BIRC6: variants seen among roughly 807,000 people sequenced by gnomAD.
The protein encoded by BIRC6 is dual E2 ubiquitin-conjugating enzyme/E3 ubiquitin-protein ligase BIRC6.
A neutral mutation model predicts 503.3 loss-of-function variants in BIRC6; 98 were observed. That is an observed-to-expected ratio of 0.19 (90% confidence interval 0.17 to 0.23). The LOEUF (loss-of-function observed/expected upper bound fraction) is 0.23, where lower values mean the gene tolerates loss of function less well. Ranked by LOEUF, BIRC6 falls within the 10% of genes least tolerant of loss-of-function variation. BIRC6 has a pLI of 1.00. For synonymous variants in BIRC6, 2,240 were observed against 2,078.7 expected, an observed-to-expected ratio of 1.08 and a Z score of -2.11; for missense variants, 5,360 against 5,806.0, an observed-to-expected ratio of 0.92 and a Z score of 2.50.
At position 32,525,509 on chromosome 2, in the gene BIRC6, G is replaced by A. The variant is rs766431375; in HGVS notation, c.11801G>A (p.Arg3934His). The A allele has an allele frequency of 8.1e-6, 13 of 1,613,740 alleles. No homozygotes were observed. Among genetic ancestry groups the A allele is most frequent in the South Asian group, 2.2e-5 (2 of 91,078 alleles). The stretch of plus-strand genomic sequence containing the variant: ...CGTGCTGTGTCAGCTACACCACCTC[G>A]CCCACCATCCAGGAGGGGGAGGACA... Reference protein sequence around the residue: ...SKRAVSATPPRPPSRRGRTIP... With the variant: ...SKRAVSATPPHPPSRRGRTIP... The change falls in exon 59 of 74, where the codon CGC (arginine) becomes CAC (histidine). Residue 3934 changes from arginine to histidine, a missense_variant. Around this residue, in one of 16 missense-constraint regions of BIRC6, gnomAD observed 878 missense variants for 928.9 expected, o/e 0.95. Transcript: ENST00000421745.
intron 35 of BIRC6, 77 bp downstream of exon 35, chr2:32,477,660 A>G: frequency 9.0e-7 from 1 of 1,114,596 alleles, no homozygotes; most frequent in Non-Finnish European, 1.3e-6. Context: ...GCACTTTGGG[A>G]GACTGAGGTG....
intron 23 of BIRC6, among the ~76,000 whole-genome samples, chr2:32,458,607 A>C (rs2047495853): frequency 6.6e-6 from 1 of 151,088 alleles, no homozygotes; most frequent in African/African-American, 2.4e-5. Context: ...CTCTGTAGTA[A>C]GTATCTCATA....
chr2:32,515,792 C>G, intron 55 of BIRC6, 22 bp downstream of exon 55: 1 of 1,565,606 alleles, frequency 6.4e-7, no homozygotes. Context: ...AAATAACTTA[C>G]ATTTTAGTTG....
At chr2:32,547,376 C>G (rs575630741) in intron 63 of BIRC6, among the ~76,000 whole-genome samples, 2 of 152,114 alleles carry the variant, frequency 1.3e-5, no homozygotes, top group African/African-American at 4.8e-5. Flanking sequence ...TACCCCTTCC[C>G]CCAGCCCCTG....
In BIRC6 at chr2:32,473,183, A is replaced by G. The variant is rs1245435045; in HGVS notation, c.6664A>G (p.Ser2222Gly). Reference protein sequence around the residue: ...SLNRSSKGSSSLDRLYSRKIR... With the variant: ...SLNRSSKGSSGLDRLYSRKIR... ...AAATAGATCTTCTAAAGGCAGCAGT[A>G]GCCTTGATAGATTATATTCCAGAAA... Residue 2222 changes from serine to glycine, a missense_variant, in exon 33 of 74, where the codon AGC (serine) becomes GGC (glycine). This residue lies in a region of BIRC6 where 2,299 missense variants were observed against 2,267.2 expected (regional missense o/e 1.01). Transcript: ENST00000421745. The G allele has an allele frequency of 1.3e-6, 2 of 1,564,728 alleles. No homozygotes were observed. The highest frequency in any genetic ancestry group is 1.4e-5 in the African/African-American group (1 of 73,798).
At chr2:32,463,147 C>T in intron 23 of BIRC6, 47 bp from the exon 24 acceptor site, 1 of 1,468,890 alleles carries the variant, frequency 6.8e-7, no homozygotes, top group Non-Finnish European at 9.2e-7. Context: ...ACCTTTTCTT[C>T]ATCCTGGTGT....
intron 10 of BIRC6, among the ~76,000 whole-genome samples, chr2:32,421,610 G>C (rs375679803): frequency 6.6e-6 from 1 of 152,116 alleles, no homozygotes; most frequent in East Asian, 1.9e-4. Context: ...ATTTAAAAGT[G>C]TTTTGTTTAG....
Position 32,415,403 on chromosome 2 carries a change from G to A in BIRC6, c.2112G>A (p.Glu704=). ...AAANLTSPDS[E]KWNSVFPKPG... is the part of the protein sequence containing the mutation. The stretch of plus-strand genomic sequence containing the variant: ...CCAACCTTACCTCTCCGGATTCTGA[G>A]AAGTGGAACTCTGTGTTTCCCAAGC... Residue 704 remains glutamate (E), a synonymous_variant, in exon 10 of 74, where the codon GAG becomes GAA. Coordinates refer to ENST00000421745, the MANE Select transcript of BIRC6 (RefSeq NM_016252.4). 6.2e-7 allele frequency: 1 copy of A among 1,614,026 alleles called. No homozygotes were observed. Among genetic ancestry groups the A allele is most frequent in the South Asian group, 1.1e-5 (1 of 91,082 alleles).
At chr2:32,492,709 CTT>C (rs748313914) in intron 44 of BIRC6, among the ~76,000 whole-genome samples, 23 of 151,856 alleles carry the variant, frequency 1.5e-4, no homozygotes, top group African/African-American at 5.6e-4. Context: ...CTTTTTAAAA[CTT>C]TTTAAGTTAC....
At chr2:32,477,271 T>C (rs904064687) in intron 34 of BIRC6, 97 bp from the exon 35 acceptor site, 1 of 1,284,130 alleles carries the variant, frequency 7.8e-7, no homozygotes, top group African/African-American at 1.5e-5. Context: ...CTTTAGAAGT[T>C]GTAATATGGA....
intron 62 of BIRC6, 67 bp from the exon 63 acceptor site, chr2:32,545,562 ATTAATTTATGACCC>A (rs961510855): frequency 1.6e-5 from 19 of 1,176,678 alleles, no homozygotes; most frequent in Admixed American, 5.1e-5. Flanking sequence ...CAGTGTCATT[ATTAATTTATGACCC>A]TGTATGTAAC....
At chr2:32,605,584 C>A (rs2062393497) in intron 71 of BIRC6, among the ~76,000 whole-genome samples, 1 of 152,134 alleles carries the variant, frequency 6.6e-6, no homozygotes, top group South Asian at 2.1e-4. Flanking sequence ...AGATGTCTGG[C>A]CGGGCGAGGT....
intron 61 of BIRC6, among the ~76,000 whole-genome samples, chr2:32,539,230 A>C (rs1298184402): frequency 6.6e-6 from 1 of 152,248 alleles, no homozygotes; most frequent in Non-Finnish European, 1.5e-5. Flanking sequence ...ATAGAACTGA[A>C]GGAAGAATTA....
chr2:32,472,370 A>C (rs1239610234), intron 32 of BIRC6, among the ~76,000 whole-genome samples: 1 of 152,202 alleles, frequency 6.6e-6, no homozygotes, highest in Non-Finnish European at 1.5e-5. Flanking sequence ...CACCTGGCTG[A>C]GAAACAGTCT....
chr2:32,380,641 A>G (rs2037493077), intron 3 of BIRC6, among the ~76,000 whole-genome samples: 1 of 152,096 alleles, frequency 6.6e-6, no homozygotes, highest in African/African-American at 2.4e-5. Context: ...CATGAGAATC[A>G]CTTGAACCCA....
chr2:32,523,143 C>T (rs2055912580), intron 57 of BIRC6: 1 of 151,534 alleles, frequency 6.6e-6, no homozygotes, highest in African/African-American at 2.4e-5. Context: ...CCTTATAATT[C>T]CAGAAGTGGA....
chr2:32,475,366 GT>G (rs1432871136), intron 33 of BIRC6, among the ~76,000 whole-genome samples: 3 of 152,086 alleles, frequency 2.0e-5, no homozygotes, highest in African/African-American at 7.2e-5. Flanking sequence ...TGAACAGAGA[GT>G]TTTTTCTCTT....
chr2:32,482,008 A>G (rs1479655912), intron 38 of BIRC6, among the ~76,000 whole-genome samples: 1 of 152,226 alleles, frequency 6.6e-6, no homozygotes, highest in East Asian at 1.9e-4. Context: ...TACAATAATG[A>G]GAACTACATT....
intron 5 of BIRC6, among the ~76,000 whole-genome samples, chr2:32,395,256 G>GCAA (rs1190011823): frequency 1.1e-3 from 165 of 152,232 alleles, no homozygotes; most frequent in South Asian, 3.1e-3. Flanking sequence ...AATGAGAAAA[G>GCAA]TACTAGATCA....
Sources: allele counts gnomAD v4.1 joint callset (sites outside exome capture counted in the v4.1 genomes callset), GRCh38; gene constraint gnomAD v4.1.1; regional missense constraint gnomAD v4.1.1; transcripts MANE v1.5; gene names NCBI Gene and HGNC (gene_info 2026-07-23, HGNC 2026-07-21).